The following ERBB4 variants were observed in gnomAD, a reference collection of about 807,000 sequenced individuals.
ERBB4 encodes the protein erb-b2 receptor tyrosine kinase 4, also known as receptor tyrosine-protein kinase erbB-4.
In ERBB4, 42 loss-of-function variants were observed where a neutral mutation model predicts 158.0. That is an observed-to-expected ratio of 0.27 (90% CI 0.21 to 0.34). The LOEUF (loss-of-function observed/expected upper bound fraction) is 0.34, where lower values mean the gene tolerates loss of function less well. Ranked by LOEUF, ERBB4 falls within the 10% of genes least tolerant of loss-of-function variation. ERBB4 has a pLI of 1.00. For missense variants in ERBB4, 1,333 were observed against 1,624.1 expected, an observed-to-expected ratio of 0.82 and a Z score of 3.08; for synonymous variants, 583 against 558.7, an observed-to-expected ratio of 1.04 and a Z score of -0.61.
At chr2:211,761,052 G>A (rs569052154) in intron 4 of ERBB4, among the ~76,000 whole-genome samples, 187 of 152,040 alleles carry the variant, frequency 1.2e-3, no homozygotes, top group African/African-American at 4.2e-3. Context: ...AAAATTAACT[G>A]GGCGTGGTGG....
At chr2:212,247,331 G>A (rs2084347523) in intron 1 of ERBB4, among the ~76,000 whole-genome samples, 1 of 152,046 alleles carries the variant, frequency 6.6e-6, no homozygotes, top group Admixed American at 6.6e-5. Flanking sequence ...ATTACCTCTA[G>A]TGGAATGTTA....
Position 211,726,601 on chromosome 2 carries a change from A to G in ERBB4, c.623-1407T>C, listed in dbSNP as rs2074277604. On this transcript the variant is annotated intron_variant, in intron 5 of 27. Transcript: ENST00000342788. ...AATAAAATTGCCAAGTATTAGCAATAGTTTTCTAAATATTCCTCAGTACTT... is the reference window on the plus strand; with the variant it reads ...AATAAAATTGCCAAGTATTAGCAATGGTTTTCTAAATATTCCTCAGTACTT... Among the ~76,000 whole-genome samples, 3 of 152,158 alleles carry G rather than the reference A, an allele frequency of 2.0e-5. No homozygotes were observed. The South Asian group carries it at 6.2e-4, about 31-fold the overall frequency.
intron 3 of ERBB4, among the ~76,000 whole-genome samples, chr2:211,916,102 T>G (rs1175570127): frequency 6.6e-6 from 1 of 151,890 alleles, no homozygotes; most frequent in East Asian, 1.9e-4. Context: ...TAAAAATATC[T>G]AGAGTGCCCA....
At chr2:212,015,789 C>T (rs919206241) in intron 2 of ERBB4, among the ~76,000 whole-genome samples, 16 of 152,020 alleles carry the variant, frequency 1.1e-4, no homozygotes, top group African/African-American at 3.6e-4. Context: ...GGAGGATGAC[C>T]CACTGCCCTT....
At chr2:211,520,841 T>C (rs1351515118) in intron 20 of ERBB4, among the ~76,000 whole-genome samples, 1 of 152,158 alleles carries the variant, frequency 6.6e-6, no homozygotes, top group African/African-American at 2.4e-5. Flanking sequence ...ATAATTATTA[T>C]ATCTATTATG....
At chr2:212,307,468 A>T (rs567302267) in intron 1 of ERBB4, among the ~76,000 whole-genome samples, 91 of 151,420 alleles carry the variant, frequency 6.0e-4, no homozygotes, top group Middle Eastern at 3.4e-3. Context: ...AGTTATAAAA[A>T]GTATGCAGAA....
chr2:211,388,964 T>C (rs2062743737), intron 25 of ERBB4, among the ~76,000 whole-genome samples: 1 of 152,206 alleles, frequency 6.6e-6, no homozygotes, highest in South Asian at 2.1e-4. Context: ...AAGCTTATAT[T>C]CTCTGCGATC....
intron 5 of ERBB4, among the ~76,000 whole-genome samples, chr2:211,743,911 T>C (rs1437437608): frequency 6.6e-6 from 1 of 152,204 alleles, no homozygotes; most frequent in African/African-American, 2.4e-5. Context: ...AGAAATTTTC[T>C]TGTTAGGTTT....
intron 1 of ERBB4, among the ~76,000 whole-genome samples, chr2:212,388,150 T>C (rs760038984): frequency 6.6e-6 from 1 of 152,116 alleles, no homozygotes; most frequent in Non-Finnish European, 1.5e-5. Flanking sequence ...TCATGACTAA[T>C]CTGACTGTAC....
chr2:211,619,310 C>T (rs1462445636), intron 18 of ERBB4, 35 bp from the exon 19 acceptor site: 2 of 1,156,544 alleles, frequency 1.7e-6, no homozygotes, highest in Non-Finnish European at 2.6e-6. Context: ...AATATGACAT[C>T]TCAACCTATT....
At chr2:211,587,019 T>A (rs1466510300) in intron 19 of ERBB4, among the ~76,000 whole-genome samples, 1 of 152,076 alleles carries the variant, frequency 6.6e-6, no homozygotes, top group Non-Finnish European at 1.5e-5. Context: ...ATAAACCTAT[T>A]GTAAAATCAA....
intron 14 of ERBB4, among the ~76,000 whole-genome samples, chr2:211,666,256 A>G (rs1332547816): frequency 6.6e-6 from 1 of 152,178 alleles, no homozygotes; most frequent in Non-Finnish European, 1.5e-5. Flanking sequence ...CATTTTGATG[A>G]GCAAAATAGT....
intron 16 of ERBB4, among the ~76,000 whole-genome samples, chr2:211,640,968 A>G (rs2070561927): frequency 6.6e-6 from 1 of 152,148 alleles, no homozygotes; most frequent in South Asian, 2.1e-4. Flanking sequence ...AGACAATTAG[A>G]AGGGAGAAGT....
intron 1 of ERBB4, among the ~76,000 whole-genome samples, chr2:212,505,430 CA>C (rs1691138156): frequency 8.1e-6 from 1 of 124,160 alleles, no homozygotes; most frequent in South Asian, 2.5e-4. Context: ...GAGTATTAAA[CA>C]TCAAGTGAGG....
intron 1 of ERBB4, among the ~76,000 whole-genome samples, chr2:212,286,909 C>A (rs542386779): frequency 1.3e-5 from 2 of 151,310 alleles, no homozygotes; most frequent in South Asian, 4.2e-4. Flanking sequence ...CCGTGCACAG[C>A]CAGTGACTTC....
intron 4 of ERBB4, 109 bp downstream of exon 4, chr2:211,787,916 T>A (rs2076202787): frequency 7.6e-6 from 8 of 1,051,776 alleles, no homozygotes. Context: ...AACATTTCAA[T>A]GAATGCAATC....
At chr2:212,411,003 T>G (rs1278403118) in intron 1 of ERBB4, among the ~76,000 whole-genome samples, 3 of 151,676 alleles carry the variant, frequency 2.0e-5, no homozygotes, top group Non-Finnish European at 4.4e-5. Context: ...AATTTATATT[T>G]AGATAAATTA....
At chr2:212,332,471 G>C (rs181063368) in intron 1 of ERBB4, among the ~76,000 whole-genome samples, 105 of 152,144 alleles carry the variant, frequency 6.9e-4, no homozygotes, top group African/African-American at 2.3e-3. Context: ...CTATAAGCCT[G>C]AGGGCAGTAA....
chr2:212,125,404 T>C (rs2079892692), intron 1 of ERBB4, among the ~76,000 whole-genome samples: 1 of 152,066 alleles, frequency 6.6e-6, no homozygotes, highest in African/African-American at 2.4e-5. Flanking sequence ...CAAACATGCG[T>C]TTTTATTTTT....
Sources: gnomAD v4.1 joint callset for allele counts (sites outside exome capture counted in the v4.1 genomes callset) on GRCh38, gnomAD v4.1.1 for gene constraint, MANE v1.5 for transcripts, NCBI Gene and HGNC (gene_info 2026-07-23, HGNC 2026-07-21) for gene names.